The following PCDH17 variants were observed in gnomAD, a reference collection of about 807,000 sequenced individuals.
The protein encoded by PCDH17 is protocadherin 17.
Under a neutral mutation model 67.7 loss-of-function variants are expected in PCDH17, and 21 were observed. The ratio of observed to expected loss-of-function variants is 0.31; its 90% CI spans 0.22 to 0.45. The LOEUF is 0.45. PCDH17 is among the 20% of genes least tolerant of loss of function. The pLI is 1.00. For missense variants in PCDH17, 1,471 were observed against 1,564.8 expected, an observed-to-expected ratio of 0.94 and a Z score of 1.01; for synonymous variants, 701 against 656.7, an observed-to-expected ratio of 1.07 and a Z score of -1.03.
At chr13:57,661,638 A>G (rs934874265) in intron 1 of PCDH17, among the ~76,000 whole-genome samples, 5 of 151,982 alleles carry the variant, frequency 3.3e-5, no homozygotes, top group South Asian at 4.2e-4. Flanking sequence ...GAGAGAGAGA[A>G]AAAGAGAATG....
chr13:57,719,574 G>A (rs1335597453), intron 3 of PCDH17, among the ~76,000 whole-genome samples: 4 of 151,996 alleles, frequency 2.6e-5, no homozygotes, highest in African/African-American at 9.7e-5. Context: ...CTGAAACTCA[G>A]GGGAGGAAAT....
Position 57,728,004 on chromosome 13 carries a change from T to C in PCDH17, c.*2710T>C, listed in dbSNP as rs1955927231. 6.6e-6 allele frequency: 1 copy of C among 152,600 alleles called. No homozygotes were observed. The highest frequency in any genetic ancestry group is 1.5e-5 in the Non-Finnish European group (1 of 67,990). The allele number at this position is 152,600 out of a possible 1,614,324, so 9.5% of individuals were successfully genotyped here. A position where few individuals can be genotyped will look rare whatever the true frequency, so the allele number is the denominator to read the frequency against. ...TGTAATAATTGGTTGTGCCAATGTG[T>C]GAGGGATTTACCTTTAGGCTCTCTG... On this transcript the variant is annotated 3_prime_UTR_variant, in exon 4 of 4. Coordinates refer to ENST00000377918, the MANE Select transcript of PCDH17 (RefSeq NM_001040429.3).
At chr13:57,652,105 C>T (rs922087147) in intron 1 of PCDH17, among the ~76,000 whole-genome samples, 2 of 151,584 alleles carry the variant, frequency 1.3e-5, no homozygotes, top group African/African-American at 2.4e-5. Context: ...GGTGAAACCC[C>T]GTCTCTACTA....
Position 57,633,549 on chromosome 13 carries a change from T to C in PCDH17, c.1003T>C (p.Cys335Arg), listed in dbSNP as rs1213020268. Residue 335 changes from cysteine (C) to arginine (R), a missense_variant, in exon 1 of 4, where the codon TGC (cysteine) becomes CGC (arginine). By Grantham distance (180) the Cys-to-Arg change is radical (BLOSUM62 -3). This residue lies in a region of PCDH17 where 1,163 missense variants were observed against 1,230.0 expected (regional missense o/e 0.95). Transcript: ENST00000377918. The surrounding 1 kb of genome is among the most constrained non-coding windows in gnomAD (Gnocchi z 6.2). The stretch of plus-strand genomic sequence containing the variant: ...GGGGCCTAACCCTATCCCAGCCCAC[T>C]GCAAAGTCACGGTCAAGCTCATCGA... ...DLGPNPIPAHCKVTVKLIDRN... is the reference protein window; with the variant it reads ...DLGPNPIPAHRKVTVKLIDRN... 2 of 1,613,806 alleles carry C rather than the reference T, an allele frequency of 1.2e-6. No individual in the cohort carries two copies. Among genetic ancestry groups the C allele is most frequent in the East Asian group, 2.2e-5 (1 of 44,844 alleles).
intron 1 of PCDH17, among the ~76,000 whole-genome samples, chr13:57,665,179 G>GC: frequency 6.9e-6 from 1 of 144,188 alleles, no homozygotes; most frequent in African/African-American, 2.6e-5. Context: ...TTGTGGGGGG[G>GC]GTTTCTGTCC....
intron 3 of PCDH17, among the ~76,000 whole-genome samples, chr13:57,674,413 A>G (rs1272199140): frequency 6.6e-6 from 1 of 151,688 alleles, no homozygotes; most frequent in Non-Finnish European, 1.5e-5. Context: ...TGCAGCCTTG[A>G]TCTCCTGGGC....
Position 57,651,887 on chromosome 13 carries a change from T to C in PCDH17, c.2566-14581T>C, listed in dbSNP as rs566077714. Among the ~76,000 whole-genome samples, 28 of 152,308 alleles carry C rather than the reference T, an allele frequency of 1.8e-4. 1 individual carries two copies. Among genetic ancestry groups the C allele is most frequent in the Middle Eastern group, 3.4e-3 (1 of 294 alleles). ...ATTACATAAAACATTCTGGTGCAGT[T>C]AAACTTTAGGGTACTGATTTGCAAA... On this transcript the variant is annotated intron_variant, in intron 1 of 3. Transcript: ENST00000377918.
At chr13:57,692,105 C>T (rs1955564951) in intron 3 of PCDH17, among the ~76,000 whole-genome samples, 1 of 151,080 alleles carries the variant, frequency 6.6e-6, no homozygotes. Flanking sequence ...ATAACATTTT[C>T]TCTTACTATT....
At chr13:57,665,000 G>A (rs1253948542) in intron 1 of PCDH17, among the ~76,000 whole-genome samples, 2 of 152,136 alleles carry the variant, frequency 1.3e-5, no homozygotes, top group Non-Finnish European at 2.9e-5. Context: ...GCTACCAACT[G>A]CTAGTAAAAG....
intron 1 of PCDH17, among the ~76,000 whole-genome samples, chr13:57,640,316 T>C (rs1954875113): frequency 6.6e-6 from 1 of 152,036 alleles, no homozygotes; most frequent in Non-Finnish European, 1.5e-5. Flanking sequence ...CACATGCATT[T>C]ATTGCAGTGA....
At chr13:57,722,289 A>G (rs1286457853) in intron 3 of PCDH17, among the ~76,000 whole-genome samples, 1 of 152,170 alleles carries the variant, frequency 6.6e-6, no homozygotes, top group African/African-American at 2.4e-5. Context: ...AATAGCTGCA[A>G]TGAAAGGCCA....
chr13:57,632,809 AG>A lies in PCDH17; in HGVS notation c.264del (p.Gln88HisfsTer30). 1.2e-6 allele frequency: 2 copies of A among 1,613,534 alleles called. No homozygotes were observed. Among genetic ancestry groups the A allele is most frequent in the African/African-American group, 1.3e-5 (1 of 74,918 alleles). On this transcript the variant is annotated frameshift_variant, in exon 1 of 4. Transcript: ENST00000377918. LOFTEE classifies it high-confidence loss of function. ...GACAGCGGGCTCCTCTACACCAAGC[AG>A]CGCATCGACCGCGAGTCCCTGTGCC... ...DADSGLLYTKQRIDRESLCRH... is the reference protein window; with the variant it reads ...DADSGLLYTKXRIDRESLCRH...
At position 57,725,791 on chromosome 13, in the gene PCDH17, C is replaced by T. The variant is rs1955912316; in HGVS notation, c.*497C>T. The T allele has an allele frequency of 6.5e-6, 1 of 154,176 alleles. No homozygotes were observed. Among genetic ancestry groups the T allele is most frequent in the South Asian group, 2.0e-4 (1 of 4,928 alleles). The allele number at this position is 154,176 out of a possible 1,614,324, so 9.6% of individuals were successfully genotyped here. Reference sequence around the variant, plus strand: ...CTTCTACTGAAAGTCCTGAAAAGACCTTGCAGTAGTCCAAGCTACACCAAA... The same window carrying T: ...CTTCTACTGAAAGTCCTGAAAAGACTTTGCAGTAGTCCAAGCTACACCAAA... On this transcript the variant is annotated 3_prime_UTR_variant, in exon 4 of 4. Transcript: ENST00000377918.
In PCDH17 at chr13:57,726,297, A is replaced by C. The variant is rs1008128332; in HGVS notation, c.*1003A>C. The stretch of plus-strand genomic sequence containing the variant: ...AAATGTAAGAAGATTCAATGTGTTT[A>C]CATCAAATGACATATTTTATTGATT... On this transcript the variant is annotated 3_prime_UTR_variant, in exon 4 of 4. Coordinates refer to ENST00000377918, the MANE Select transcript of PCDH17 (RefSeq NM_001040429.3). 2.0e-5 allele frequency: 3 copies of C among 152,666 alleles called. No homozygotes were observed. The highest frequency in any genetic ancestry group is 7.2e-5 in the African/African-American group (3 of 41,472). The allele number at this position is 152,666 out of a possible 1,614,324, so 9.5% of individuals were successfully genotyped here. A position where few individuals can be genotyped will look rare whatever the true frequency, so the allele number is the denominator to read the frequency against.
intron 1 of PCDH17, among the ~76,000 whole-genome samples, chr13:57,658,579 G>A (rs1955139935): frequency 6.6e-6 from 1 of 152,008 alleles, no homozygotes; most frequent in Non-Finnish European, 1.5e-5. Flanking sequence ...TTGAATCTTG[G>A]ATATTGTGAA....
intron 1 of PCDH17, among the ~76,000 whole-genome samples, chr13:57,638,769 A>C (rs1450170391): frequency 6.6e-6 from 1 of 152,046 alleles, no homozygotes; most frequent in Non-Finnish European, 1.5e-5. Context: ...AGTGTAAACA[A>C]TAAACTCAAT....
chr13:57,728,447 A>C lies in PCDH17; in HGVS notation c.*3153A>C, dbSNP rs973253572. The C allele has an allele frequency of 6.6e-5, 10 of 151,750 alleles. No homozygotes were observed. Among genetic ancestry groups the C allele is most frequent in the Non-Finnish European group, 1.5e-4 (10 of 67,886 alleles). 9.4% of individuals were successfully genotyped at this position (151,750 alleles called of 1,614,324 possible). ...TCTTTAAGTAACTGAAGTTAAGCAC[A>C]GAAAAAAAAATCACTTCATGGAAAT... On this transcript the variant is annotated 3_prime_UTR_variant, in exon 4 of 4. Transcript: ENST00000377918.
rs777972039 is a variant in PCDH17, at chr13:57,633,616, G to T, written c.1070G>T (p.Arg357Leu). ...NAPSIGFVSV[R>L]QGALSEAAPP... is the part of the protein sequence containing the mutation. ...CCGTCCATCGGTTTCGTCTCCGTGC[G>T]CCAGGGGGCGCTGAGCGAGGCCGCC... The change falls in exon 1 of 4, where the codon CGC (arginine) becomes CTC (leucine). Residue 357 changes from arginine to leucine, a missense_variant. Arg to Leu is a moderately radical substitution (Grantham distance 102). Transcript: ENST00000377918. This position sits in a 1 kb window ranked among gnomAD's most constrained non-coding sequence, Gnocchi z 6.2. 6.2e-7 allele frequency: 1 copy of T among 1,611,358 alleles called. No homozygotes were observed. Among genetic ancestry groups the T allele is most frequent in the Non-Finnish European group, 8.5e-7 (1 of 1,180,032 alleles).
chr13:57,700,888 G>A (rs1955656878), intron 3 of PCDH17, among the ~76,000 whole-genome samples: 1 of 152,058 alleles, frequency 6.6e-6, no homozygotes, highest in South Asian at 2.1e-4. Flanking sequence ...TTTAAGCCAG[G>A]CCTGGTGATG....
Sources: gnomAD v4.1 joint callset for allele counts (sites outside exome capture counted in the v4.1 genomes callset) on GRCh38, gnomAD v4.1.1 for gene constraint, gnomAD v4.1.1 regional missense constraint, Gnocchi (gnomAD v3.1) non-coding constraint, MANE v1.5 for transcripts, NCBI Gene and HGNC (gene_info 2026-07-23, HGNC 2026-07-21) for gene names.